The following NR3C2 variants were observed in gnomAD, a reference collection of about 807,000 sequenced individuals.
The protein encoded by NR3C2 is mineralocorticoid receptor.
In NR3C2, 15 loss-of-function variants were observed where a neutral mutation model predicts 86.4. That is an observed-to-expected ratio of 0.17 (90% confidence interval 0.12 to 0.27). NR3C2 has a LOEUF of 0.27. NR3C2 is among the 10% of genes least tolerant of loss of function. The pLI, the probability that NR3C2 is intolerant of heterozygous loss-of-function variation, is 1.00. For synonymous variants in NR3C2, 458 were observed against 450.5 expected, an observed-to-expected ratio of 1.02 and a Z score of -0.21; for missense variants, 960 against 1,195.6, an observed-to-expected ratio of 0.80 and a Z score of 2.91.
intron 2 of NR3C2, among the ~76,000 whole-genome samples, chr4:148,269,345 T>C (rs1740555578): frequency 6.6e-6 from 1 of 152,202 alleles, no homozygotes; most frequent in Admixed American, 6.5e-5. Flanking sequence ...TTGTTGATAC[T>C]GTTGACCTTA....
In NR3C2 at chr4:148,096,884, C is replaced by T. The variant is rs1239297917; in HGVS notation, c.2800-15385G>A. Among the ~76,000 whole-genome samples, 5 of 152,202 alleles carry T rather than the reference C, an allele frequency of 3.3e-5. No homozygotes were observed. The East Asian group carries it at 5.8e-4, about 18-fold the overall frequency. On this transcript the variant is annotated intron_variant, in intron 8 of 8. Transcript: ENST00000358102. Reference sequence around the variant, plus strand: ...AAACTAGTTACTACGTGGCGCACTACAGAAGTTCGCTGACCCATGGATTGG... The same window carrying T: ...AAACTAGTTACTACGTGGCGCACTATAGAAGTTCGCTGACCCATGGATTGG...
Position 148,081,011 on chromosome 4 carries a change from A to C in NR3C2, c.*333T>G, listed in dbSNP as rs1431545266. 1 of 376,762 alleles carries C rather than the reference A, an allele frequency of 2.7e-6. No homozygotes were observed. Among genetic ancestry groups the C allele is most frequent in the Non-Finnish European group, 5.1e-6 (1 of 195,848 alleles). The allele number at this position is 376,762 out of a possible 1,614,324, so 23.3% of individuals were successfully genotyped here. A position where few individuals can be genotyped will look rare whatever the true frequency, so the allele number is the denominator to read the frequency against. ...TTTTAAAACAAGCGAACGATACCAG[A>C]AACTACACGGCATAGTTAAAACTTC... On this transcript the variant is annotated 3_prime_UTR_variant, in exon 9 of 9. Transcript: ENST00000358102.
chr4:148,209,965 G>C (rs1423943686), intron 3 of NR3C2, among the ~76,000 whole-genome samples: 1 of 152,186 alleles, frequency 6.6e-6, no homozygotes, highest in Non-Finnish European at 1.5e-5. Flanking sequence ...CCTTGCTACA[G>C]AGCAATGTTC....
intron 3 of NR3C2, among the ~76,000 whole-genome samples, chr4:148,215,922 G>A (rs1015640622): frequency 6.6e-6 from 1 of 151,768 alleles, no homozygotes; most frequent in Non-Finnish European, 1.5e-5. Flanking sequence ...TGGGACTATA[G>A]GCGCCCACCA....
chr4:148,086,825 C>A (rs928815789), intron 8 of NR3C2, among the ~76,000 whole-genome samples: 4 of 152,186 alleles, frequency 2.6e-5, no homozygotes, highest in African/African-American at 9.7e-5. Flanking sequence ...CAATATCATA[C>A]TGAATGGACA....
At chr4:148,183,294 G>C (rs1031614163) in intron 4 of NR3C2, among the ~76,000 whole-genome samples, 2 of 152,142 alleles carry the variant, frequency 1.3e-5, no homozygotes, top group African/African-American at 4.8e-5. Flanking sequence ...GTGTGCATGC[G>C]CCTTTAAAGT....
intron 3 of NR3C2, among the ~76,000 whole-genome samples, chr4:148,225,467 C>T (rs1423229616): frequency 2.0e-5 from 3 of 152,042 alleles, no homozygotes. Context: ...ATCTTTAGAA[C>T]TTTGTTTTCA....
At chr4:148,325,628 A>G (rs1743926259) in intron 2 of NR3C2, among the ~76,000 whole-genome samples, 1 of 152,234 alleles carries the variant, frequency 6.6e-6, no homozygotes, top group Admixed American at 6.5e-5. Context: ...AAAAAGGGTA[A>G]GATCAAAACA....
chr4:148,087,206 A>G (rs913638357), intron 8 of NR3C2, among the ~76,000 whole-genome samples: 1 of 152,204 alleles, frequency 6.6e-6, no homozygotes, highest in African/African-American at 2.4e-5. Context: ...AATACAACAT[A>G]CAAGGGATGT....
chr4:148,245,347 G>A (rs1039948520), intron 3 of NR3C2, among the ~76,000 whole-genome samples: 2 of 152,118 alleles, frequency 1.3e-5, no homozygotes, highest in African/African-American at 4.8e-5. Context: ...CAAAGTCCTA[G>A]GGCCAGGAGT....
chr4:148,339,985 T>C (rs1744675108), intron 2 of NR3C2, among the ~76,000 whole-genome samples: 1 of 152,010 alleles, frequency 6.6e-6, no homozygotes, highest in African/African-American at 2.4e-5. Flanking sequence ...AAGGAATAAA[T>C]TTAACCAAAG....
At chr4:148,247,432 T>C (rs992080382) in intron 3 of NR3C2, among the ~76,000 whole-genome samples, 1 of 152,156 alleles carries the variant, frequency 6.6e-6, no homozygotes, top group African/African-American at 2.4e-5. Flanking sequence ...GTGGGCAACT[T>C]TGTAAAATGG....
At chr4:148,229,962 T>C (rs1738376158) in intron 3 of NR3C2, among the ~76,000 whole-genome samples, 3 of 152,164 alleles carry the variant, frequency 2.0e-5, no homozygotes, top group Admixed American at 6.5e-5. Context: ...AATGCTTTGT[T>C]ATCTAAGGTG....
At chr4:148,394,992 G>A (rs1172514451) in intron 2 of NR3C2, among the ~76,000 whole-genome samples, 2 of 152,082 alleles carry the variant, frequency 1.3e-5, no homozygotes, top group African/African-American at 4.8e-5. Flanking sequence ...GGGGGAAACA[G>A]TCCAGGATTT....
At chr4:148,267,072 T>C (rs1740433276) in intron 2 of NR3C2, among the ~76,000 whole-genome samples, 1 of 152,154 alleles carries the variant, frequency 6.6e-6, no homozygotes, top group South Asian at 2.1e-4. Context: ...AAGGAAAAAC[T>C]AGGAGCCATA....
chr4:148,369,921 T>C (rs894297651), intron 2 of NR3C2, among the ~76,000 whole-genome samples: 1 of 152,176 alleles, frequency 6.6e-6, no homozygotes, highest in Non-Finnish European at 1.5e-5. Context: ...CCGGGTGAAA[T>C]TGATGGGCAC....
chr4:148,342,239 G>A (rs1744782818), intron 2 of NR3C2, among the ~76,000 whole-genome samples: 2 of 151,878 alleles, frequency 1.3e-5, no homozygotes, highest in African/African-American at 4.8e-5. Flanking sequence ...TTTTCTACAC[G>A]GCACAATAGT....
Position 148,430,151 on chromosome 4 carries a change from A to G in NR3C2, c.1757+4953T>C, listed in dbSNP as rs185950476. Among the ~76,000 whole-genome samples, 137 of 152,264 alleles carry G rather than the reference A, an allele frequency of 9.0e-4. 2 individuals carry two copies. The East Asian group carries it at 0.021, about 23-fold the overall frequency. ...TATCAAATCTATAAGTAATATCTCC[A>G]TAGTAAGAACTTTACATTCAAAAGT... On this transcript the variant is annotated intron_variant, in intron 2 of 8. Coordinates refer to ENST00000358102, the MANE Select transcript of NR3C2 (RefSeq NM_000901.5).
upstream of NR3C2, chr4:148,444,104 C>A (rs1750482661): frequency 1.0e-6 from 1 of 985,300 alleles, no homozygotes; most frequent in Admixed American, 6.1e-5. Context: ...ATCGATCTCA[C>A]GTCGGCAGAG....
Sources: allele counts gnomAD v4.1 joint callset (sites outside exome capture counted in the v4.1 genomes callset), GRCh38; gene constraint gnomAD v4.1.1; transcripts MANE v1.5; gene names NCBI Gene and HGNC (gene_info 2026-07-23, HGNC 2026-07-21).